ALK: variants seen among roughly 807,000 people sequenced by gnomAD.
The protein encoded by ALK is ALK receptor tyrosine kinase.
Under a neutral mutation model 163.1 loss-of-function variants are expected in ALK, and 74 were observed. The ratio of observed to expected loss-of-function variants is 0.45; its 90% CI spans 0.38 to 0.55. The LOEUF (loss-of-function observed/expected upper bound fraction) is 0.55. ALK is among the 20% of genes least tolerant of loss of function. ALK has a pLI of 0.00. For synonymous variants in ALK, 960 were observed against 843.2 expected (o/e 1.14, Z -2.40); for missense variants, 2,063 against 2,105.3 (o/e 0.98, Z 0.39).
intron 26 of ALK, among the ~76,000 whole-genome samples, chr2:29,202,741 A>C (rs1266863474): frequency 6.6e-6 from 1 of 152,224 alleles, no homozygotes; most frequent in East Asian, 1.9e-4. Flanking sequence ...ACTGCGGAAT[A>C]GTTTTCCATG....
At chr2:29,278,872 C>A (rs1274569009) in intron 9 of ALK, among the ~76,000 whole-genome samples, 1 of 152,174 alleles carries the variant, frequency 6.6e-6, no homozygotes, top group Non-Finnish European at 1.5e-5. Context: ...CTGTCATTCA[C>A]AGGACCAGGG....
At chr2:29,919,268 T>C (rs543155514) in intron 1 of ALK, among the ~76,000 whole-genome samples, 24 of 152,190 alleles carry the variant, frequency 1.6e-4, no homozygotes, top group African/African-American at 5.8e-4. Flanking sequence ...CCAACGATGG[T>C]TTCTCCCTGG....
At chr2:29,786,659 A>G (rs1204813410) in intron 1 of ALK, among the ~76,000 whole-genome samples, 1 of 152,352 alleles carries the variant, frequency 6.6e-6, no homozygotes, top group East Asian at 1.9e-4. Context: ...TCAGAGTCTC[A>G]GTTGTGGGAG....
At chr2:29,358,158 T>C (rs936105482) in intron 5 of ALK, among the ~76,000 whole-genome samples, 2 of 152,204 alleles carry the variant, frequency 1.3e-5, no homozygotes, top group African/African-American at 4.8e-5. Context: ...AAAGTTGCTT[T>C]GTGTGTCATG....
intron 5 of ALK, among the ~76,000 whole-genome samples, chr2:29,377,871 G>A (rs1045099612): frequency 1.3e-5 from 2 of 152,224 alleles, no homozygotes; most frequent in African/African-American, 2.4e-5. Flanking sequence ...CGGGTAAGGT[G>A]AAGGTTATGA....
chr2:29,795,724 C>T (rs946462966), intron 1 of ALK, among the ~76,000 whole-genome samples: 7 of 152,064 alleles, frequency 4.6e-5, no homozygotes, highest in African/African-American at 1.7e-4. Context: ...TATGAATCAA[C>T]TCTAGTCTTT....
intron 2 of ALK, among the ~76,000 whole-genome samples, chr2:29,716,982 G>A (rs1203147422): frequency 2.8e-5 from 3 of 108,116 alleles, no homozygotes; most frequent in African/African-American, 1.1e-4. Flanking sequence ...CAAACCCCGT[G>A]TCTACCAAAA....
chr2:29,532,369 C>G (rs1432554581), intron 3 of ALK, among the ~76,000 whole-genome samples: 6 of 152,154 alleles, frequency 3.9e-5, no homozygotes, highest in Non-Finnish European at 5.9e-5. Flanking sequence ...ACCTTAGCTC[C>G]CCTACTTCCT....
intron 3 of ALK, among the ~76,000 whole-genome samples, chr2:29,602,867 C>A (rs761839743): frequency 2.6e-5 from 4 of 152,204 alleles, no homozygotes; most frequent in Non-Finnish European, 4.4e-5. Flanking sequence ...TGTGACACAG[C>A]CTCAGGAGAT....
In ALK at chr2:29,427,290, CT is replaced by C. The variant is rs554563307; in HGVS notation, c.1155-43432del. 1.4e-3 allele frequency among the ~76,000 whole-genome samples: 207 copies of C among 151,986 alleles called. 3 individuals carry two copies. The highest frequency in any genetic ancestry group is 3.4e-3 in the Middle Eastern group (1 of 294). ...CCACTATAAATATATACTTGCTCTT[CT>C]TTTTTCCTGCAAGCTTAAAGGACAT... is the stretch of plus-strand genomic sequence containing the variant. On this transcript the variant is annotated intron_variant, in intron 4 of 28. Coordinates refer to ENST00000389048, the MANE Select transcript of ALK (RefSeq NM_004304.5).
chr2:29,245,091 G>A (rs749069464), intron 12 of ALK, among the ~76,000 whole-genome samples: 4 of 152,128 alleles, frequency 2.6e-5, no homozygotes, highest in African/African-American at 9.7e-5. Context: ...CCTGCACACA[G>A]TAGGGGCTCC....
chr2:29,593,361 C>G (rs1675116095), intron 3 of ALK, among the ~76,000 whole-genome samples: 1 of 152,190 alleles, frequency 6.6e-6, no homozygotes, highest in Non-Finnish European at 1.5e-5. Flanking sequence ...GAGATGCAGG[C>G]AGACTAGGAT....
At chr2:29,480,523 G>C (rs567612725) in intron 4 of ALK, among the ~76,000 whole-genome samples, 9 of 152,224 alleles carry the variant, frequency 5.9e-5, no homozygotes, top group East Asian at 1.9e-4. Context: ...TCTCTAAACT[G>C]TGTATGGTCC....
chr2:29,320,713 A>C, intron 7 of ALK, 38 bp downstream of exon 7: 1 of 1,612,320 alleles, frequency 6.2e-7, no homozygotes, highest in Non-Finnish European at 8.5e-7. Flanking sequence ...GTGGGCATGA[A>C]GATGGGCACC....
intron 1 of ALK, among the ~76,000 whole-genome samples, chr2:29,773,728 T>TTGTTTCA (rs1242374253): frequency 6.6e-6 from 1 of 152,218 alleles, no homozygotes; most frequent in Non-Finnish European, 1.5e-5. Context: ...TGGCTGAATT[T>TTGTTTCA]TGTTTCATCA....
chr2:29,419,507 G>A (rs1029518944), intron 4 of ALK, among the ~76,000 whole-genome samples: 4 of 151,438 alleles, frequency 2.6e-5, no homozygotes, highest in Non-Finnish European at 4.4e-5. Flanking sequence ...ATATAGAAAG[G>A]TTACAGAATT....
intron 5 of ALK, among the ~76,000 whole-genome samples, chr2:29,366,295 G>A (rs2148290011): frequency 6.6e-6 from 1 of 152,252 alleles, no homozygotes; most frequent in African/African-American, 2.4e-5. Context: ...CAACAAGGTG[G>A]GTGCATTCCC....
chr2:29,910,841 A>G (rs1038181390), intron 1 of ALK, among the ~76,000 whole-genome samples: 5 of 152,202 alleles, frequency 3.3e-5, no homozygotes, highest in African/African-American at 1.2e-4. Flanking sequence ...ATTAAAGGCT[A>G]AAGGAAAAAA....
At chr2:29,618,992 AAAAT>A (rs1202004537) in intron 3 of ALK, among the ~76,000 whole-genome samples, 1 of 86,602 alleles carries the variant, frequency 1.2e-5, no homozygotes, top group African/African-American at 3.3e-5. Flanking sequence ...AAATAAATAA[AAAAT>A]AAATAAAAAA....
Sources: gnomAD v4.1 joint callset for allele counts (sites outside exome capture counted in the v4.1 genomes callset) on GRCh38, gnomAD v4.1.1 for gene constraint, MANE v1.5 for transcripts, NCBI Gene and HGNC (gene_info 2026-07-23, HGNC 2026-07-21) for gene names.